Variants in DNAH6 observed in about 807,000 individuals in gnomAD.
The protein encoded by DNAH6 is axonemal beta dynein heavy chain 6.
DNAH6 carries 340 observed loss-of-function variants against 491.4 expected under a neutral mutation model. That is an observed-to-expected ratio of 0.69 (90% confidence interval 0.63 to 0.76). DNAH6 has a LOEUF of 0.76. Ranked by LOEUF, DNAH6 falls within the 30% of genes least tolerant of loss-of-function variation. DNAH6 has a pLI of 0.00. For missense variants in DNAH6, 4,443 were observed against 4,972.2 expected, an observed-to-expected ratio of 0.89 and a Z score of 3.20; for synonymous variants, 1,603 against 1,686.1, an observed-to-expected ratio of 0.95 and a Z score of 1.21.
At chr2:84,742,121 C>T (rs1672580599) in intron 62 of DNAH6, among the ~76,000 whole-genome samples, 1 of 152,212 alleles carries the variant, frequency 6.6e-6, no homozygotes, top group Non-Finnish European at 1.5e-5. Context: ...TGGCTCTTCT[C>T]CATGGAGGCA....
intron 21 of DNAH6, among the ~76,000 whole-genome samples, chr2:84,609,338 A>G (rs576384497): frequency 6.6e-6 from 1 of 152,234 alleles, no homozygotes; most frequent in South Asian, 2.1e-4. Context: ...TTGGCTTTTG[A>G]CATGCCTTCT....
chr2:84,525,833 G>A (rs1305139970), intron 3 of DNAH6, 95 bp downstream of exon 3: 2 of 897,110 alleles, frequency 2.2e-6, no homozygotes, highest in East Asian at 2.7e-5. Flanking sequence ...TAGAAGCAAA[G>A]TCATTTTCTA....
At chr2:84,579,827 A>C in intron 14 of DNAH6, 148 bp downstream of exon 14, 1 of 644,376 alleles carries the variant, frequency 1.6e-6, no homozygotes, top group Non-Finnish European at 2.5e-6. Flanking sequence ...TCTACATCAC[A>C]GGAATAAAGC....
intron 59 of DNAH6, among the ~76,000 whole-genome samples, chr2:84,721,885 G>A (rs562424967): frequency 8.5e-5 from 13 of 152,176 alleles, no homozygotes; most frequent in African/African-American, 2.7e-4. Context: ...CCCAACCCAG[G>A]GATATCCACC....
At position 84,654,663 on chromosome 2, in the gene DNAH6, C is replaced by T. The variant is rs1690775852; in HGVS notation, c.5638C>T (p.Gln1880Ter). ...TPQIHMLFEVQDLRVASPATV... is the reference protein window; with the variant it reads ...TPQIHMLFEV ...GTTCAATTTTCTTCAACTTTAGGTG[C>T]AAGATCTGCGGGTTGCCTCCCCTGC... The change falls in exon 35 of 77, where the codon CAA becomes TAA. Residue 1880 changes from glutamine to a stop codon, truncating the protein, a stop_gained. Coordinates refer to ENST00000389394, the MANE Select transcript of DNAH6 (RefSeq NM_001370.2). LOFTEE classifies it high-confidence loss of function. 6.4e-7 allele frequency: 1 copy of T among 1,550,548 alleles called. No individual in the cohort carries two copies. The highest frequency in any genetic ancestry group is 1.4e-5 in the African/African-American group (1 of 72,952).
Position 84,812,492 on chromosome 2 carries a change from T to C in DNAH6, c.11891T>C (p.Val3964Ala), listed in dbSNP as rs1462680403. 2 of 1,551,554 alleles carry C rather than the reference T, an allele frequency of 1.3e-6. No homozygotes were observed. Among genetic ancestry groups the C allele is most frequent in the Middle Eastern group, 1.7e-4 (1 of 5,990 alleles). The change falls in exon 73 of 77, where the codon GTC becomes GCC. Residue 3964 changes from valine (V) to alanine (A), a missense_variant. Physicochemically the swap from Val to Ala is moderately conservative, Grantham distance 64 (BLOSUM62 0). Transcript: ENST00000389394. The part of the protein sequence containing the change: ...YPSLKPLGSW[V>A]KDLILRTSFV... ...TCCCTGAAGCCACTAGGATCATGGGTCAAAGACCTTATCCTGAGGACCTCA... is the reference window on the plus strand; with the variant it reads ...TCCCTGAAGCCACTAGGATCATGGGCCAAAGACCTTATCCTGAGGACCTCA...
chr2:84,614,332 A>G (rs1015525893), intron 22 of DNAH6, among the ~76,000 whole-genome samples: 1 of 152,110 alleles, frequency 6.6e-6, no homozygotes, highest in African/African-American at 2.4e-5. Flanking sequence ...ATGGTCTCCA[A>G]ATCAATTCAG....
At chr2:84,640,709 T>C (rs1258872147) in intron 32 of DNAH6, 131 bp downstream of exon 32, 4 of 848,420 alleles carry the variant, frequency 4.7e-6, no homozygotes, top group Non-Finnish European at 7.2e-6. Flanking sequence ...TCATCATTCT[T>C]ACCTTGACAC....
At chr2:84,590,943 C>T (rs1280587773) in intron 16 of DNAH6, among the ~76,000 whole-genome samples, 1 of 152,160 alleles carries the variant, frequency 6.6e-6, no homozygotes, top group Non-Finnish European at 1.5e-5. Flanking sequence ...CAGGTTGGAA[C>T]CGCTGAGAAC....
At chr2:84,469,177 C>A in the DNAH6 span, among the ~76,000 whole-genome samples, 1 of 152,044 alleles carries the variant, frequency 6.6e-6, no homozygotes, top group Non-Finnish European at 1.5e-5. This position sits in a 1 kb window ranked among gnomAD's most constrained non-coding sequence, Gnocchi z 4.0. Flanking sequence ...TTCGTTCAAC[C>A]GTTTGCACAG....
In DNAH6 at chr2:84,672,367, T is replaced by C. The variant is rs1337748699; in HGVS notation, c.6495T>C (p.Asp2165=). 2 of 1,551,218 alleles carry C rather than the reference T, an allele frequency of 1.3e-6. No individual in the cohort carries two copies. The highest frequency in any genetic ancestry group is 1.7e-6 in the Non-Finnish European group (2 of 1,146,688). ...GNKRIVIFVD[D]LNMPRLDRYG... ...AACGAATTGTGATTTTTGTTGATGA[T>C]TTAAACATGCCCAGACTGGATCGCT... The change falls in exon 40 of 77, where the codon GAT becomes GAC. Residue 2165 remains aspartate (D), a synonymous_variant. Coordinates refer to ENST00000389394, the MANE Select transcript of DNAH6 (RefSeq NM_001370.2).
intron 11 of DNAH6, among the ~76,000 whole-genome samples, chr2:84,562,219 T>C (rs1472530803): frequency 6.6e-6 from 1 of 152,114 alleles, no homozygotes; most frequent in African/African-American, 2.4e-5. Flanking sequence ...AAGTGACTAA[T>C]GGTATTTTTA....
chr2:84,793,943 T>C (rs1159405579), intron 68 of DNAH6, among the ~76,000 whole-genome samples: 1 of 152,206 alleles, frequency 6.6e-6, no homozygotes, highest in South Asian at 2.1e-4. Context: ...AAGGCTACGG[T>C]AGTCAAAACA....
chr2:84,525,465 G>C (rs1212971645), intron 2 of DNAH6, 100 bp from the exon 3 acceptor site: 1 of 1,202,840 alleles, frequency 8.3e-7, no homozygotes, highest in African/African-American at 1.6e-5. Flanking sequence ...AGTCCAAGGA[G>C]ATCAATTTCC....
chr2:84,633,610 G>A (rs1688600663), intron 29 of DNAH6, among the ~76,000 whole-genome samples: 1 of 151,842 alleles, frequency 6.6e-6, no homozygotes, highest in Non-Finnish European at 1.5e-5. Flanking sequence ...CCTCATGATG[G>A]GCATTACTCC....
At chr2:84,540,517 AT>A (rs1379924773) in intron 4 of DNAH6, among the ~76,000 whole-genome samples, 1 of 152,136 alleles carries the variant, frequency 6.6e-6, no homozygotes, top group Non-Finnish European at 1.5e-5. Context: ...TTGAGGTTTT[AT>A]TGTTTTGGAA....
At chr2:84,667,983 G>T (rs541373369) in intron 37 of DNAH6, among the ~76,000 whole-genome samples, 56 of 152,222 alleles carry the variant, frequency 3.7e-4, no homozygotes, top group African/African-American at 1.3e-3. Flanking sequence ...GCAAACTATC[G>T]CAAGGACAGA....
At chr2:84,689,913 A>G (rs1031457697) in intron 45 of DNAH6, among the ~76,000 whole-genome samples, 1 of 152,158 alleles carries the variant, frequency 6.6e-6, no homozygotes, top group Admixed American at 6.5e-5. Context: ...AGCTCTCCAG[A>G]TATTTGAAGA....
At chr2:84,659,267 C>A in intron 37 of DNAH6, 98 bp downstream of exon 37, 1 of 652,106 alleles carries the variant, frequency 1.5e-6, no homozygotes, top group Non-Finnish European at 2.3e-6. Context: ...GAAAATATAA[C>A]TTATACACTA....
Sources: gnomAD v4.1 joint callset for allele counts (sites outside exome capture counted in the v4.1 genomes callset) on GRCh38, gnomAD v4.1.1 for gene constraint, Gnocchi (gnomAD v3.1) non-coding constraint, MANE v1.5 for transcripts, NCBI Gene and HGNC (gene_info 2026-07-23, HGNC 2026-07-21) for gene names.